Variants in SPECC1 observed in about 807,000 individuals in gnomAD.
SPECC1 encodes the protein cytospin-B.
A neutral mutation model predicts 104.1 loss-of-function variants in SPECC1; 62 were observed. The ratio of observed to expected loss-of-function variants is 0.60; its 90% CI spans 0.49 to 0.74. SPECC1 has a LOEUF of 0.74. Ranked by LOEUF, SPECC1 falls within the 30% of genes least tolerant of loss-of-function variation. The probability of loss-of-function intolerance (pLI) is 0.00; values close to 1 mark genes in which losing one functional copy is unlikely to be tolerated. For missense variants in SPECC1, 1,306 were observed against 1,310.5 expected (o/e 1.00, Z 0.05); for synonymous variants, 513 against 501.6 (o/e 1.02, Z -0.30).
chr17:20,155,363 A>G (rs2032369338), intron 3 of SPECC1: 1 of 152,166 alleles, frequency 6.6e-6, no homozygotes, highest in Non-Finnish European at 1.5e-5. Flanking sequence ...CAGTCATACC[A>G]CTAATGGTTT....
intron 10 of SPECC1, among the ~76,000 whole-genome samples, chr17:20,255,424 T>C (rs1378195888): frequency 1.3e-5 from 2 of 152,344 alleles, no homozygotes; most frequent in East Asian, 3.9e-4. Context: ...TGTGGGGTTT[T>C]TGAAAAATTG....
At chr17:20,232,155 G>A (rs1390435733) in intron 6 of SPECC1, 45 bp from the exon 7 acceptor site, 15 of 1,607,910 alleles carry the variant, frequency 9.3e-6, no homozygotes, top group Non-Finnish European at 9.4e-6. Flanking sequence ...CCAGGCACTG[G>A]CCCTGGCAGG....
intron 4 of SPECC1, among the ~76,000 whole-genome samples, chr17:20,217,263 T>C (rs1054099998): frequency 6.7e-6 from 1 of 148,598 alleles, no homozygotes; most frequent in African/African-American, 2.5e-5. Flanking sequence ...AGTTTTTTTA[T>C]TGTGTGTGTG....
intron 3 of SPECC1, among the ~76,000 whole-genome samples, chr17:20,147,795 G>T (rs1296901301): frequency 2.6e-5 from 4 of 152,208 alleles, no homozygotes; most frequent in African/African-American, 7.2e-5. Context: ...CAACACTTCA[G>T]GAGGCCAAGT....
At chr17:20,181,218 AAAG>A (rs1458761155) in intron 3 of SPECC1, among the ~76,000 whole-genome samples, 1 of 152,148 alleles carries the variant, frequency 6.6e-6, no homozygotes, top group African/African-American at 2.4e-5. Flanking sequence ...TAGTATAAGA[AAAG>A]AAAGACTGAA....
chr17:20,276,289 T>C (rs1399928286), intron 12 of SPECC1, among the ~76,000 whole-genome samples: 1 of 152,086 alleles, frequency 6.6e-6, no homozygotes, highest in Non-Finnish European at 1.5e-5. Context: ...GCTAATTCTT[T>C]AAAAAATTTT....
intron 1 of SPECC1, among the ~76,000 whole-genome samples, chr17:20,028,410 G>A (rs1175741784): frequency 6.6e-6 from 1 of 151,956 alleles, no homozygotes; most frequent in African/African-American, 2.4e-5. Flanking sequence ...CACAGTGGGA[G>A]GATTGCTTGA....
chr17:20,277,823 A>G (rs1160713884), intron 12 of SPECC1, among the ~76,000 whole-genome samples: 2 of 152,178 alleles, frequency 1.3e-5, no homozygotes, highest in East Asian at 3.9e-4. Context: ...GTGGACTTAC[A>G]CAGAATGTGC....
At chr17:20,016,630 C>T (rs949822060) in intron 1 of SPECC1, among the ~76,000 whole-genome samples, 1 of 152,230 alleles carries the variant, frequency 6.6e-6, no homozygotes, top group Non-Finnish European at 1.5e-5. Flanking sequence ...AGCTGCTGTG[C>T]CCGATTTCTC....
intron 14 of SPECC1, among the ~76,000 whole-genome samples, chr17:20,309,464 A>T (rs1202475473): frequency 6.6e-6 from 1 of 152,136 alleles, no homozygotes; most frequent in Non-Finnish European, 1.5e-5. Flanking sequence ...GGTACACTGG[A>T]TGATGCTGAG....
chr17:20,067,900 A>C (rs1026304511), intron 1 of SPECC1, among the ~76,000 whole-genome samples: 2 of 152,056 alleles, frequency 1.3e-5, no homozygotes, highest in Non-Finnish European at 2.9e-5. Flanking sequence ...CAGCCACTCA[A>C]GTACTTTCTG....
intron 9 of SPECC1, among the ~76,000 whole-genome samples, chr17:20,252,163 G>A (rs2039656581): frequency 6.6e-6 from 1 of 151,798 alleles, no homozygotes; most frequent in Non-Finnish European, 1.5e-5. Flanking sequence ...TTTTTTAAAT[G>A]GCAGTAAAAA....
At chr17:20,300,575 G>A (rs1311939732) in intron 13 of SPECC1, among the ~76,000 whole-genome samples, 1 of 152,230 alleles carries the variant, frequency 6.6e-6, no homozygotes, top group African/African-American at 2.4e-5. Context: ...TGGCTGTATT[G>A]GAAAATTATG....
In SPECC1 at chr17:20,257,498, C is replaced by T. The variant is rs374644443; in HGVS notation, c.2728C>T (p.Arg910Cys). ...TETLKPDPHL[R>C]KSPSLESLSR... ...GACCCTGAAGCCAGACCCCCACCTC[C>T]GCAAGAGTCCCTCACTAGAGTCACT... Residue 910 changes from arginine (R) to cysteine (C), a missense_variant, in exon 11 of 15, where the codon CGC (arginine) becomes TGC (cysteine). Transcript: ENST00000395527. 5.3e-5 allele frequency: 86 copies of T among 1,609,988 alleles called. No homozygotes were observed. Among genetic ancestry groups the T allele is most frequent in the Non-Finnish European group, 6.6e-5 (78 of 1,179,056 alleles).
chr17:20,022,447 A>G (rs997127420), intron 1 of SPECC1, among the ~76,000 whole-genome samples: 2 of 152,140 alleles, frequency 1.3e-5, no homozygotes, highest in African/African-American at 4.8e-5. Flanking sequence ...TTCTCCTAAT[A>G]TGTTATACGT....
In SPECC1 at chr17:20,231,497, TTC is replaced by T. The variant is rs143661311; in HGVS notation, c.2072-259_2072-258del. On this transcript the variant is annotated intron_variant, in intron 5 of 14. Transcript: ENST00000395527. ...CGTAGTGCTGCTATTTGGTTGTGCA[TTC>T]TGTCTGCTGAGACTGTAACCTCAAT... Among the ~76,000 whole-genome samples, 667 of 152,338 alleles carry T rather than the reference TTC, an allele frequency of 4.4e-3. 4 individuals carry two copies. The highest frequency in any genetic ancestry group is 0.015 in the African/African-American group (626 of 41,576).
intron 1 of SPECC1, among the ~76,000 whole-genome samples, chr17:20,094,886 C>T (rs1410264258): frequency 6.6e-6 from 1 of 152,186 alleles, no homozygotes; most frequent in Non-Finnish European, 1.5e-5. Context: ...AGGCATGAGC[C>T]ACTGTGCCTG....
intron 3 of SPECC1, among the ~76,000 whole-genome samples, chr17:20,161,126 G>A (rs1302437600): frequency 1.3e-5 from 2 of 152,200 alleles, no homozygotes; most frequent in African/African-American, 4.8e-5. Context: ...CAGGAGAATC[G>A]CTTGAGCCCG....
intron 3 of SPECC1, among the ~76,000 whole-genome samples, chr17:20,195,586 C>G (rs1178509438): frequency 6.9e-6 from 1 of 145,928 alleles, no homozygotes; most frequent in Non-Finnish European, 1.5e-5. Context: ...GAGACGGAGT[C>G]TTGCTCTGTC....
Sources: allele counts gnomAD v4.1 joint callset (sites outside exome capture counted in the v4.1 genomes callset), GRCh38; gene constraint gnomAD v4.1.1; transcripts MANE v1.5; gene names NCBI Gene and HGNC (gene_info 2026-07-23, HGNC 2026-07-21).